The following IL17D variants were observed in gnomAD, a reference collection of about 807,000 sequenced individuals.
The protein encoded by IL17D is interleukin-17D.
IL17D carries 10 observed loss-of-function variants against 5.7 expected under a neutral mutation model. The ratio of observed to expected loss-of-function variants is 1.75; its 90% CI spans 1.08 to 2.97. IL17D has a LOEUF of 2.97. Among genes scored for constraint, IL17D ranks in the 30% most tolerant of loss-of-function variants. The probability of loss-of-function intolerance (pLI) is 0.00; values close to 1 mark genes in which losing one functional copy is unlikely to be tolerated. For missense variants in IL17D, 354 were observed against 292.7 expected, an observed-to-expected ratio of 1.21 and a Z score of -1.53; for synonymous variants, 172 against 141.7, an observed-to-expected ratio of 1.21 and a Z score of -1.52.
chr13:20,703,918 C>G lies in IL17D; in HGVS notation c.-84C>G. 1 of 807,074 alleles carries G rather than the reference C, an allele frequency of 1.2e-6. No individual in the cohort carries two copies. Among genetic ancestry groups the G allele is most frequent in the Non-Finnish European group, 1.5e-6 (1 of 668,220 alleles). The allele number at this position is 807,074 out of a possible 1,614,324, so 50.0% of individuals were successfully genotyped here. On this transcript the variant is annotated 5_prime_UTR_variant, in exon 1 of 2. Coordinates refer to ENST00000682841, the MANE Select transcript of IL17D (RefSeq NM_001385224.1). ...GGGAGGCGCCCGCCGGCTCCGGGCG[C>G]CGCGGGCGGGACACGGGCGCGGGGC...
At chr13:20,720,629 C>T (rs935825375) in intron 1 of IL17D, among the ~76,000 whole-genome samples, 48 of 152,352 alleles carry the variant, frequency 3.2e-4, no homozygotes, top group African/African-American at 1.2e-3. Flanking sequence ...CCTGGCCAAG[C>T]TCCTGATCCC....
chr13:20,709,698 T>C, intron 1 of IL17D, among the ~76,000 whole-genome samples: 1 of 85,242 alleles, frequency 1.2e-5, no homozygotes, highest in East Asian at 2.0e-4. Flanking sequence ...TACTCTTGTA[T>C]CTGTTAAAGT....
intron 1 of IL17D, among the ~76,000 whole-genome samples, chr13:20,706,454 G>A (rs1333225183): frequency 6.6e-6 from 1 of 152,282 alleles, no homozygotes; most frequent in African/African-American, 2.4e-5. Context: ...GCTCCCCACA[G>A]GCTGGGCCAA....
chr13:20,718,279 A>AAT (rs915414309), intron 1 of IL17D, among the ~76,000 whole-genome samples: 3 of 152,094 alleles, frequency 2.0e-5, no homozygotes, highest in African/African-American at 7.2e-5. Context: ...GCACCTCTCG[A>AAT]ATAGCTCACC....
At chr13:20,714,518 G>A (rs1366742869) in intron 1 of IL17D, among the ~76,000 whole-genome samples, 1 of 152,236 alleles carries the variant, frequency 6.6e-6, no homozygotes, top group African/African-American at 2.4e-5. Context: ...GAGAGGGTGG[G>A]CAGGCTAAGC....
At chr13:20,715,060 C>T (rs2058668659) in intron 1 of IL17D, among the ~76,000 whole-genome samples, 1 of 152,174 alleles carries the variant, frequency 6.6e-6, no homozygotes, top group South Asian at 2.1e-4. Flanking sequence ...AAAACCATTC[C>T]CCCTCCCAGC....
rs890444421 is a variant in IL17D at position 20,721,762 on chromosome 13, C to T, written c.417C>T (p.Pro139=). ...TCCGCAGCGCCCCTGTCTACATGCC[C>T]ACCGTCGTCCTGCGCCGCACCCCCG... is the stretch of plus-strand genomic sequence containing the variant. ...VRFRSAPVYM[P]TVVLRRTPAC... The change falls in exon 2 of 2, where the codon CCC becomes CCT. Residue 139 remains proline (P), a synonymous_variant. Transcript: ENST00000682841. 2 of 1,609,882 alleles carry T rather than the reference C, an allele frequency of 1.2e-6. No individual in the cohort carries two copies. The highest frequency in any genetic ancestry group is 1.7e-5 in the Admixed American group (1 of 59,976).
chr13:20,719,063 C>T (rs2058711142), intron 1 of IL17D, among the ~76,000 whole-genome samples: 2 of 149,122 alleles, frequency 1.3e-5, no homozygotes, highest in Admixed American at 6.7e-5. Flanking sequence ...CCACACACAC[C>T]TGCCCATGCT....
At chr13:20,707,554 G>C (rs938356425) in intron 1 of IL17D, among the ~76,000 whole-genome samples, 1 of 151,516 alleles carries the variant, frequency 6.6e-6, no homozygotes, top group African/African-American at 2.4e-5. Flanking sequence ...ACAGAATCTC[G>C]CTCTGCCACC....
chr13:20,711,105 A>T (rs1333097438), intron 1 of IL17D, among the ~76,000 whole-genome samples: 1 of 152,152 alleles, frequency 6.6e-6, no homozygotes, highest in Non-Finnish European at 1.5e-5. Context: ...GCTCTACTAC[A>T]AATACAAAAT....
chr13:20,718,033 C>CA (rs1328779370), intron 1 of IL17D, among the ~76,000 whole-genome samples: 2 of 152,130 alleles, frequency 1.3e-5, no homozygotes, highest in African/African-American at 2.4e-5. Context: ...GACGAGAACT[C>CA]AGAGGGCCGG....
rs778695976 is a variant in IL17D, at chr13:20,721,982, C to T, written c.*28C>T. On this transcript the variant is annotated 3_prime_UTR_variant, in exon 2 of 2. Coordinates refer to ENST00000682841, the MANE Select transcript of IL17D (RefSeq NM_001385224.1). ...CCGGTCCTGCCCCGGGAGGTCTCCC[C>T]GGCCCGCATCCCGAGGCGCCCAAGC... 2.4e-5 allele frequency: 37 copies of T among 1,527,894 alleles called. No homozygotes were observed. Among genetic ancestry groups the T allele is most frequent in the Non-Finnish European group, 3.0e-5 (34 of 1,143,694 alleles). The allele number at this position is 1,527,894 out of a possible 1,614,324, so 94.6% of individuals were successfully genotyped here.
At position 20,721,705 on chromosome 13, in the gene IL17D, G is replaced by GT; in HGVS notation, c.360_361insT (p.Thr121TyrfsTer113). On this transcript the variant is annotated frameshift_variant, in exon 2 of 2. Coordinates refer to ENST00000682841, the MANE Select transcript of IL17D (RefSeq NM_001385224.1). LOFTEE classifies it low-confidence loss of function (END_TRUNC). ...CCTACTGCCTGTGCCGGGGCTGCCT[G>GT]ACCGGGCTGTTCGGCGAGGAGGACG... is the stretch of plus-strand genomic sequence containing the variant. 6.2e-7 allele frequency: 1 copy of GT among 1,611,380 alleles called. No individual in the cohort carries two copies. Among genetic ancestry groups the GT allele is most frequent in the Non-Finnish European group, 8.5e-7 (1 of 1,179,240 alleles).
chr13:20,704,642 CTT>C (rs904936225), intron 1 of IL17D, among the ~76,000 whole-genome samples: 4 of 152,168 alleles, frequency 2.6e-5, no homozygotes, highest in African/African-American at 4.8e-5. Flanking sequence ...TGCTTCCTCT[CTT>C]TACCCTCCAG....
At chr13:20,721,402 A>G (rs1182409199) in intron 1 of IL17D, among the ~76,000 whole-genome samples, 1 of 152,220 alleles carries the variant, frequency 6.6e-6, no homozygotes, top group Non-Finnish European at 1.5e-5. Context: ...ACATTAGCCC[A>G]GACTCTGGAA....
upstream of IL17D, chr13:20,703,163 G>C: frequency 2.1e-6 from 1 of 465,118 alleles, no homozygotes. Context: ...CAGGCCCTGA[G>C]CGCGCGACCC....
intron 1 of IL17D, 65 bp downstream of exon 1, chr13:20,704,356 T>A (rs1310391324): frequency 2.6e-6 from 1 of 382,088 alleles, no homozygotes; most frequent in Admixed American, 1.6e-4. Context: ...GCGGGGAGAG[T>A]GGGTGGGGCC....
chr13:20,703,458 C>G (rs1484143990), upstream of IL17D: 1 of 977,454 alleles, frequency 1.0e-6, no homozygotes, highest in Non-Finnish European at 1.2e-6. Flanking sequence ...CGAGGAAAGA[C>G]CACAGGGGGC....
intron 1 of IL17D, among the ~76,000 whole-genome samples, chr13:20,707,388 C>A (rs558664151): frequency 7.8e-6 from 1 of 128,300 alleles, no homozygotes; most frequent in African/African-American, 3.0e-5. Context: ...CTGTAGTGAA[C>A]TATGATTGTG....
Sources: gnomAD v4.1 joint callset for allele counts (sites outside exome capture counted in the v4.1 genomes callset) on GRCh38, gnomAD v4.1.1 for gene constraint, MANE v1.5 for transcripts, NCBI Gene and HGNC (gene_info 2026-07-23, HGNC 2026-07-21) for gene names.